TCF23: variants seen among roughly 807,000 people sequenced by gnomAD.
TCF23 encodes the protein class A basic helix-loop-helix protein 24.
Under a neutral mutation model 13.0 loss-of-function variants are expected in TCF23, and 7 were observed. The ratio of observed to expected loss-of-function variants is 0.54; its 90% CI spans 0.31 to 1.01. TCF23 has a LOEUF of 1.01. Among genes scored for constraint, TCF23 ranks in the 50% least tolerant of loss-of-function variants. The pLI is 0.06. For synonymous variants in TCF23, 122 were observed against 119.5 expected, an observed-to-expected ratio of 1.02 and a Z score of -0.14; for missense variants, 257 against 289.8, an observed-to-expected ratio of 0.89 and a Z score of 0.82.
In TCF23 at chr2:27,150,254, G is replaced by T. The variant is rs1266997051; in HGVS notation, c.354G>T (p.Leu118=). ...PDTKLSKLDV[L]VLAASYIAHL... is the part of the protein sequence containing the mutation. ...CCAAGCTCTCCAAGTTGGACGTGCT[G>T]GTGCTCGCCGCCAGCTACATAGCCC... Residue 118 remains leucine (L), a synonymous_variant, in exon 2 of 3, where the codon CTG becomes CTT. Transcript: ENST00000296096. The surrounding 1 kb of genome is among the most constrained non-coding windows in gnomAD (Gnocchi z 4.1). 4.3e-6 allele frequency: 7 copies of T among 1,613,672 alleles called. No individual in the cohort carries two copies. The highest frequency in any genetic ancestry group is 5.9e-6 in the Non-Finnish European group (7 of 1,179,940).
rs947518853 is a variant in TCF23 at position 27,150,519 on chromosome 2, G to A, written c.465+154G>A. 6.6e-6 allele frequency among the ~76,000 whole-genome samples: 1 copy of A among 152,208 alleles called. No individual in the cohort carries two copies. Among genetic ancestry groups the A allele is most frequent in the African/African-American group, 2.4e-5 (1 of 41,452 alleles). On this transcript the variant is annotated intron_variant, in intron 2 of 2. Coordinates refer to ENST00000296096, the MANE Select transcript of TCF23 (RefSeq NM_175769.3). This position sits in a 1 kb window ranked among gnomAD's most constrained non-coding sequence, Gnocchi z 4.1. ...TTCTCCTGCTGTCTCAGAGGGAGAGGAGCCAAGGCTGACCCTTGGGGCTGC... is the reference window on the plus strand; with the variant it reads ...TTCTCCTGCTGTCTCAGAGGGAGAGAAGCCAAGGCTGACCCTTGGGGCTGC...
In TCF23 at chr2:27,156,640, C is replaced by G. The variant is rs573877007; in HGVS notation, c.*3773C>G. 1 of 152,210 alleles carries G rather than the reference C, an allele frequency of 6.6e-6. No individual in the cohort carries two copies. Among genetic ancestry groups the G allele is most frequent in the South Asian group, 2.1e-4 (1 of 4,818 alleles). 9.4% of individuals were successfully genotyped at this position (152,210 alleles called of 1,614,324 possible). A position where few individuals can be genotyped will look rare whatever the true frequency, so the allele number is the denominator to read the frequency against. The stretch of plus-strand genomic sequence containing the variant: ...TGACCTCGTGATCCGCCCGCCTCGG[C>G]CTCCCAAAGTGCTGGGATTACAGGC... On this transcript the variant is annotated 3_prime_UTR_variant, in exon 3 of 3. Coordinates refer to ENST00000296096, the MANE Select transcript of TCF23 (RefSeq NM_175769.3).
chr2:27,154,893 A>G lies in TCF23; in HGVS notation c.*2026A>G, dbSNP rs1410958192. On this transcript the variant is annotated 3_prime_UTR_variant, in exon 3 of 3. Coordinates refer to ENST00000296096, the MANE Select transcript of TCF23 (RefSeq NM_175769.3). Reference sequence around the variant, plus strand: ...ACATTTCCTCCTCAGTTGGTGGCACACTTTCCTGGGGATGAAGGGAAATTG... The same window carrying G: ...ACATTTCCTCCTCAGTTGGTGGCACGCTTTCCTGGGGATGAAGGGAAATTG... 6.6e-6 allele frequency: 1 copy of G among 152,404 alleles called. No homozygotes were observed. The highest frequency in any genetic ancestry group is 2.4e-5 in the African/African-American group (1 of 41,474). 9.4% of individuals were successfully genotyped at this position (152,404 alleles called of 1,614,324 possible). A position where few individuals can be genotyped will look rare whatever the true frequency, so the allele number is the denominator to read the frequency against.
chr2:27,156,928 C>A lies in TCF23; in HGVS notation c.*4061C>A, dbSNP rs912797173. 1 of 152,264 alleles carries A rather than the reference C, an allele frequency of 6.6e-6. No homozygotes were observed. The highest frequency in any genetic ancestry group is 1.5e-5 in the Non-Finnish European group (1 of 68,064). The allele number at this position is 152,264 out of a possible 1,614,324, so 9.4% of individuals were successfully genotyped here. On this transcript the variant is annotated 3_prime_UTR_variant, in exon 3 of 3. Coordinates refer to ENST00000296096, the MANE Select transcript of TCF23 (RefSeq NM_175769.3). ...ACTATGGCCAGTGGGCCAAACCCAGCCCCCCATGTATTTTTGTAAATAAAG... is the reference window on the plus strand; with the variant it reads ...ACTATGGCCAGTGGGCCAAACCCAGACCCCCATGTATTTTTGTAAATAAAG...
chr2:27,149,705 A>G, intron 1 of TCF23: 1 of 588,958 alleles, frequency 1.7e-6, no homozygotes, highest in Non-Finnish European at 3.3e-6. Flanking sequence ...CCTCTTTCCC[A>G]CAGCAGCCTC....
At chr2:27,152,107 C>T (rs773416077) in intron 2 of TCF23, among the ~76,000 whole-genome samples, 1 of 152,202 alleles carries the variant, frequency 6.6e-6, no homozygotes, top group Non-Finnish European at 1.5e-5. Context: ...AGGCAAGGCC[C>T]TTGCTTGTAG....
Position 27,149,105 on chromosome 2 carries a change from T to C in TCF23, c.-29T>C, listed in dbSNP as rs1332545761. 6.5e-7 allele frequency: 1 copy of C among 1,545,374 alleles called. No individual in the cohort carries two copies. Among genetic ancestry groups the C allele is most frequent in the Admixed American group, 2.0e-5 (1 of 50,838 alleles). ...GCCTCCTCAGGCACTGTGTTTCTGCTCTGTGGGCTGCAGCCCCAGTGGGGT... is the reference window on the plus strand; with the variant it reads ...GCCTCCTCAGGCACTGTGTTTCTGCCCTGTGGGCTGCAGCCCCAGTGGGGT... On this transcript the variant is annotated 5_prime_UTR_variant, in exon 1 of 3. Transcript: ENST00000296096.
chr2:27,151,794 C>A (rs1672764067), intron 2 of TCF23, among the ~76,000 whole-genome samples: 1 of 152,000 alleles, frequency 6.6e-6, no homozygotes, highest in Admixed American at 6.6e-5. Flanking sequence ...TGCCACCACA[C>A]CTGGCTTTTT....
chr2:27,152,290 G>A (rs1205282008), intron 2 of TCF23, among the ~76,000 whole-genome samples: 1 of 152,238 alleles, frequency 6.6e-6, no homozygotes, highest in Non-Finnish European at 1.5e-5. Context: ...GTGTATTCTG[G>A]GACTGCTCAT....
chr2:27,150,312 G>A lies in TCF23; in HGVS notation c.412G>A (p.Gly138Ser), dbSNP rs550968155. ...CCGCACACTCGGCCACGAGTTGCCT[G>A]GCCCTGCCTGGCCGCCCTTCCTGCG... is the stretch of plus-strand genomic sequence containing the variant. The part of the protein sequence containing the change: ...LTRTLGHELP[G>S]PAWPPFLRGL... Residue 138 changes from glycine (G) to serine (S), a missense_variant, in exon 2 of 3, where the codon GGC (glycine) becomes AGC (serine). Transcript: ENST00000296096. The surrounding 1 kb of genome is among the most constrained non-coding windows in gnomAD (Gnocchi z 4.1). 11 of 1,613,704 alleles carry A rather than the reference G, an allele frequency of 6.8e-6. No individual in the cohort carries two copies. In the South Asian group the frequency reaches 1.2e-4, roughly 18 times the overall value.
chr2:27,153,155 G>T lies in TCF23; in HGVS notation c.*288G>T. The T allele has an allele frequency of 2.2e-6, 1 of 452,436 alleles. No homozygotes were observed. Among genetic ancestry groups the T allele is most frequent in the Non-Finnish European group, 3.4e-6 (1 of 297,932 alleles). The allele number at this position is 452,436 out of a possible 1,614,324, so 28.0% of individuals were successfully genotyped here. ...TATAATTGGGCTCAAAGTTGAGGTA[G>T]GGAACCACCCTAGCTTTCTTCCCCT... is the stretch of plus-strand genomic sequence containing the variant. On this transcript the variant is annotated 3_prime_UTR_variant, in exon 3 of 3. Coordinates refer to ENST00000296096, the MANE Select transcript of TCF23 (RefSeq NM_175769.3).
Position 27,153,001 on chromosome 2 carries a change from A to G in TCF23, c.*134A>G. On this transcript the variant is annotated 3_prime_UTR_variant, in exon 3 of 3. Transcript: ENST00000296096. ...AAGTTCCAGCATGCAGACCAAGAGA[A>G]GCAGTAGCACTTCTGTGATGGACAG... is the stretch of plus-strand genomic sequence containing the variant. The G allele has an allele frequency of 6.6e-7, 1 of 1,504,136 alleles. No homozygotes were observed. The highest frequency in any genetic ancestry group is 2.2e-5 in the Admixed American group (1 of 45,038). The allele number at this position is 1,504,136 out of a possible 1,614,324, so 93.2% of individuals were successfully genotyped here.
chr2:27,152,862 A>G lies in TCF23; in HGVS notation c.640A>G (p.Lys214Glu). 1 of 1,613,224 alleles carries G rather than the reference A, an allele frequency of 6.2e-7. No homozygotes were observed. Among genetic ancestry groups the G allele is most frequent in the Non-Finnish European group, 8.5e-7 (1 of 1,179,444 alleles). ...TTPLSPALGD[K>E] ...ACCACTCTCACCAGCTCTTGGTGAC[A>G]AATAATTATCACACTCGCCCTTTTC... The change falls in exon 3 of 3, where the codon AAA becomes GAA. Residue 214 changes from lysine to glutamate, a missense_variant. Transcript: ENST00000296096.
rs1316977585 is a variant in TCF23, at chr2:27,156,402, G to A, written c.*3535G>A. On this transcript the variant is annotated 3_prime_UTR_variant, in exon 3 of 3. Transcript: ENST00000296096. The stretch of plus-strand genomic sequence containing the variant: ...TTCTTTTTTTTTGTTTTTTGAGACA[G>A]AGTCTCACTCTGTCACCGAGGCTGG... 1 of 149,264 alleles carries A rather than the reference G, an allele frequency of 6.7e-6. No individual in the cohort carries two copies. The highest frequency in any genetic ancestry group is 1.5e-5 in the Non-Finnish European group (1 of 67,432). The allele number at this position is 149,264 out of a possible 1,614,324, so 9.2% of individuals were successfully genotyped here. A position where few individuals can be genotyped will look rare whatever the true frequency, so the allele number is the denominator to read the frequency against.
chr2:27,150,278 C>T lies in TCF23; in HGVS notation c.378C>T (p.Ala126=), dbSNP rs1672741920. 6.2e-7 allele frequency: 1 copy of T among 1,613,824 alleles called. No homozygotes were observed. The highest frequency in any genetic ancestry group is 8.5e-7 in the Non-Finnish European group (1 of 1,180,006). The change falls in exon 2 of 3, where the codon GCC becomes GCT. Residue 126 remains alanine, a synonymous_variant. Coordinates refer to ENST00000296096, the MANE Select transcript of TCF23 (RefSeq NM_175769.3). The surrounding 1 kb of genome is among the most constrained non-coding windows in gnomAD (Gnocchi z 4.1). The part of the protein sequence containing the change: ...DVLVLAASYI[A]HLTRTLGHEL... The stretch of plus-strand genomic sequence containing the variant: ...TGGTGCTCGCCGCCAGCTACATAGC[C>T]CACCTCACCCGCACACTCGGCCACG...
chr2:27,150,461 C>T lies in TCF23; in HGVS notation c.465+96C>T, dbSNP rs1357507066. 6.4e-7 allele frequency: 1 copy of T among 1,553,600 alleles called. No individual in the cohort carries two copies. Among genetic ancestry groups the T allele is most frequent in the Admixed American group, 1.8e-5 (1 of 56,126 alleles). ...GAGGGGGGACATTGGACTTGGGCCC[C>T]CTGCCCTGTGCAGAACTGACGTCGG... On this transcript the variant is annotated intron_variant, in intron 2 of 2. Coordinates refer to ENST00000296096, the MANE Select transcript of TCF23 (RefSeq NM_175769.3). The surrounding 1 kb of genome is among the most constrained non-coding windows in gnomAD (Gnocchi z 4.1).
At position 27,154,596 on chromosome 2, in the gene TCF23, G is replaced by A. The variant is rs543341501; in HGVS notation, c.*1729G>A. Reference sequence around the variant, plus strand: ...GGATGTGGGAGAACAGCTGGAATGTGGATGGGAGCCATGGGGAGAAGGCCT... The same window carrying A: ...GGATGTGGGAGAACAGCTGGAATGTAGATGGGAGCCATGGGGAGAAGGCCT... On this transcript the variant is annotated 3_prime_UTR_variant, in exon 3 of 3. Transcript: ENST00000296096. The A allele has an allele frequency of 6.6e-6, 1 of 152,342 alleles. No homozygotes were observed. The highest frequency in any genetic ancestry group is 2.1e-4 in the South Asian group (1 of 4,834). The allele number at this position is 152,342 out of a possible 1,614,324, so 9.4% of individuals were successfully genotyped here. A position where few individuals can be genotyped will look rare whatever the true frequency, so the allele number is the denominator to read the frequency against.
At chr2:27,152,630 C>A in intron 2 of TCF23, 58 bp from the exon 3 acceptor site, 1 of 1,575,830 alleles carries the variant, frequency 6.3e-7, no homozygotes, top group Non-Finnish European at 8.6e-7. Context: ...GTCAAGGATC[C>A]TGGACCACGA....
Position 27,150,857 on chromosome 2 carries a change from C to A in TCF23, c.465+492C>A, listed in dbSNP as rs1672751509. On this transcript the variant is annotated intron_variant, in intron 2 of 2. Coordinates refer to ENST00000296096, the MANE Select transcript of TCF23 (RefSeq NM_175769.3). The surrounding 1 kb of genome is among the most constrained non-coding windows in gnomAD (Gnocchi z 4.1). Reference sequence around the variant, plus strand: ...CTGGGGGAGTTAGCAGGCAGCAGTACAGGGAAGGCGCGCACCACTTGCCAG... The same window carrying A: ...CTGGGGGAGTTAGCAGGCAGCAGTAAAGGGAAGGCGCGCACCACTTGCCAG... Among the ~76,000 whole-genome samples the A allele has an allele frequency of 1.3e-5, 2 of 152,116 alleles. No homozygotes were observed. Among genetic ancestry groups the A allele is most frequent in the South Asian group, 4.1e-4 (2 of 4,824 alleles).
Sources: allele counts gnomAD v4.1 joint callset (sites outside exome capture counted in the v4.1 genomes callset), GRCh38; gene constraint gnomAD v4.1.1; non-coding constraint Gnocchi (gnomAD v3.1); transcripts MANE v1.5; gene names NCBI Gene and HGNC (gene_info 2026-07-23, HGNC 2026-07-21).